Variants in ARHGEF28 observed in about 807,000 individuals in gnomAD.
ARHGEF28 encodes the protein 190 kDa guanine nucleotide exchange factor.
A neutral mutation model predicts 206.6 loss-of-function variants in ARHGEF28; 152 were observed. The observed-to-expected ratio is 0.74, with a 90% CI of 0.64 to 0.84. The LOEUF (loss-of-function observed/expected upper bound fraction) is 0.84. Ranked by LOEUF, ARHGEF28 falls within the 40% of genes least tolerant of loss-of-function variation. The pLI, the probability that ARHGEF28 is intolerant of heterozygous loss-of-function variation, is 0.00. For missense variants in ARHGEF28, 2,028 were observed against 2,073.2 expected (o/e 0.98, Z 0.42); for synonymous variants, 763 against 776.4 (o/e 0.98, Z 0.29).
chr5:73,707,840 A>G (rs1749025258), intron 2 of ARHGEF28, among the ~76,000 whole-genome samples: 1 of 152,204 alleles, frequency 6.6e-6, no homozygotes, highest in Non-Finnish European at 1.5e-5. Flanking sequence ...ACTTTCTAGT[A>G]TGAAAAGTTA....
chr5:73,812,842 A>G (rs1192210276), intron 9 of ARHGEF28, among the ~76,000 whole-genome samples: 4 of 152,206 alleles, frequency 2.6e-5, no homozygotes. Flanking sequence ...ACAGTGGTAG[A>G]TAACTTTGTA....
intron 10 of ARHGEF28, among the ~76,000 whole-genome samples, chr5:73,837,501 G>A (rs752398156): frequency 2.0e-5 from 3 of 151,130 alleles, no homozygotes; most frequent in Non-Finnish European, 3.0e-5. Context: ...TATTTTTTTT[G>A]TTCTGAGCCT....
chr5:73,882,397 A>G, intron 22 of ARHGEF28, 75 bp from the exon 23 acceptor site: 1 of 1,069,784 alleles, frequency 9.3e-7, no homozygotes. Flanking sequence ...TTTGAAATAG[A>G]TGAAAATTGC....
intron 11 of ARHGEF28, among the ~76,000 whole-genome samples, chr5:73,841,392 C>A (rs374090797): frequency 1.3e-5 from 2 of 152,120 alleles, no homozygotes; most frequent in Non-Finnish European, 2.9e-5. Flanking sequence ...AGGGCACCTA[C>A]ATATGTGCAT....
At chr5:73,828,776 TTTCCTTCCTTTCCTTTC>T (rs1757096504) in intron 9 of ARHGEF28, among the ~76,000 whole-genome samples, 1 of 151,494 alleles carries the variant, frequency 6.6e-6, no homozygotes, top group South Asian at 2.1e-4. Context: ...CCTTCCTTCC[TTTCCTTCCTTTCCTTTC>T]TTCCTTCCTT....
intron 35 of ARHGEF28, among the ~76,000 whole-genome samples, chr5:73,925,209 C>G (rs1199810492): frequency 2.0e-5 from 3 of 152,132 alleles, no homozygotes; most frequent in Non-Finnish European, 4.4e-5. Flanking sequence ...CTTTATGAGG[C>G]ACAGGAGGCG....
At chr5:73,750,220 A>G (rs977060202) in intron 3 of ARHGEF28, among the ~76,000 whole-genome samples, 1 of 152,110 alleles carries the variant, frequency 6.6e-6, no homozygotes, top group African/African-American at 2.4e-5. Context: ...GACCCATCCT[A>G]TTGACTGCAC....
At chr5:73,898,322 A>G (rs1005073284) in intron 30 of ARHGEF28, 1 of 361,182 alleles carries the variant, frequency 2.8e-6, no homozygotes, top group Non-Finnish European at 4.8e-6. Flanking sequence ...TTGGTGGGTT[A>G]TACTGCTCTG....
At chr5:73,715,095 A>C (rs183730570) in intron 2 of ARHGEF28, among the ~76,000 whole-genome samples, 2 of 152,254 alleles carry the variant, frequency 1.3e-5, no homozygotes, top group Non-Finnish European at 2.9e-5. Flanking sequence ...CTCCCCTTGT[A>C]TGAATCAGAG....
intron 7 of ARHGEF28, among the ~76,000 whole-genome samples, chr5:73,787,175 G>A (rs1036241820): frequency 1.3e-5 from 2 of 152,174 alleles, no homozygotes; most frequent in Non-Finnish European, 1.5e-5. Context: ...GGACAGCTGG[G>A]ACCTGGGTGT....
intron 9 of ARHGEF28, among the ~76,000 whole-genome samples, chr5:73,824,250 G>A (rs1445015954): frequency 1.3e-5 from 2 of 152,144 alleles, no homozygotes; most frequent in Non-Finnish European, 2.9e-5. Context: ...AGAGGTGCAT[G>A]GTATTGTGGT....
chr5:73,709,805 G>A (rs562574705), intron 2 of ARHGEF28, among the ~76,000 whole-genome samples: 38 of 152,292 alleles, frequency 2.5e-4, no homozygotes, highest in African/African-American at 8.7e-4. Context: ...GTCATGACCC[G>A]CATTCTTTCG....
intron 2 of ARHGEF28, among the ~76,000 whole-genome samples, chr5:73,733,814 A>C (rs1750744927): frequency 6.6e-6 from 1 of 152,214 alleles, no homozygotes; most frequent in South Asian, 2.1e-4. Context: ...AAAGATGTGT[A>C]ACTGGCTCAC....
Position 73,728,838 on chromosome 5 carries a change from A to G in ARHGEF28, c.34-20999A>G, listed in dbSNP as rs144103657. The stretch of plus-strand genomic sequence containing the variant: ...GAGCAGTTTTGGTGCAGGATAGTTG[A>G]CCATAGGTGTGTGAACTTGCCCCAA... On this transcript the variant is annotated intron_variant, in intron 2 of 35. Transcript: ENST00000513042. Among the ~76,000 whole-genome samples, 7 of 152,298 alleles carry G rather than the reference A, an allele frequency of 4.6e-5. No homozygotes were observed. In the East Asian group the frequency reaches 1.4e-3, roughly 29 times the overall value.
At chr5:73,679,067 T>C (rs1432162961) in intron 1 of ARHGEF28, among the ~76,000 whole-genome samples, 1 of 152,212 alleles carries the variant, frequency 6.6e-6, no homozygotes, top group Non-Finnish European at 1.5e-5. Context: ...TTCAAAATTA[T>C]TTTTGTAGAG....
At chr5:73,880,787 G>T (rs1270074741) in intron 22 of ARHGEF28, among the ~76,000 whole-genome samples, 1 of 152,104 alleles carries the variant, frequency 6.6e-6, no homozygotes, top group South Asian at 2.1e-4. Flanking sequence ...ACAAAAATTA[G>T]CTTGGCGTGG....
intron 35 of ARHGEF28, among the ~76,000 whole-genome samples, chr5:73,915,118 T>C (rs1763136066): frequency 6.6e-6 from 1 of 152,184 alleles, no homozygotes. Context: ...GGGATGTTCA[T>C]GATTAAGGAC....
chr5:73,832,195 T>C (rs1003016090), intron 9 of ARHGEF28, 143 bp from the exon 10 acceptor site: 1 of 1,047,170 alleles, frequency 9.5e-7, no homozygotes, highest in Non-Finnish European at 1.3e-6. Flanking sequence ...GAAAAATTAC[T>C]TGCATGTAGA....
At chr5:73,807,036 G>GTT (rs35751176) in intron 9 of ARHGEF28, among the ~76,000 whole-genome samples, 1 of 132,062 alleles carries the variant, frequency 7.6e-6, no homozygotes. Flanking sequence ...CATGTAAGAG[G>GTT]TTTTTTTTTT....
Sources: allele counts gnomAD v4.1 joint callset (sites outside exome capture counted in the v4.1 genomes callset), GRCh38; gene constraint gnomAD v4.1.1; transcripts MANE v1.5; gene names NCBI Gene and HGNC (gene_info 2026-07-23, HGNC 2026-07-21).